CTNNA2: variants seen among roughly 807,000 people sequenced by gnomAD.
CTNNA2 encodes catenin alpha-2.
A neutral mutation model predicts 101.0 loss-of-function variants in CTNNA2; 42 were observed. The observed-to-expected ratio is 0.42, with a 90% CI of 0.32 to 0.54. The LOEUF is 0.54. Ranked by LOEUF, CTNNA2 falls within the 20% of genes least tolerant of loss-of-function variation. The pLI, the probability that CTNNA2 is intolerant of heterozygous loss-of-function variation, is 0.14. For missense variants in CTNNA2, 871 were observed against 1,223.1 expected (o/e 0.71, Z 4.29); for synonymous variants, 450 against 456.4 (o/e 0.99, Z 0.18).
At chr2:80,311,529 C>A (rs1677587801) in intron 7 of CTNNA2, among the ~76,000 whole-genome samples, 1 of 152,214 alleles carries the variant, frequency 6.6e-6, no homozygotes, top group Non-Finnish European at 1.5e-5. Context: ...AGAAAGAGGG[C>A]TGGCTTGGGG....
At chr2:79,590,779 C>T (rs553287875) in intron 1 of CTNNA2, among the ~76,000 whole-genome samples, 1 of 152,136 alleles carries the variant, frequency 6.6e-6, no homozygotes, top group South Asian at 2.1e-4. Flanking sequence ...GTTTGCTTTT[C>T]CACAACTTAT....
At chr2:79,459,372 T>TGCAAA (rs1443113768) in intron 4 of CTNNA2, among the ~76,000 whole-genome samples, 2 of 152,008 alleles carry the variant, frequency 1.3e-5, no homozygotes, top group African/African-American at 4.8e-5. Flanking sequence ...TAGAGGAATA[T>TGCAAA]GCAAGTATTG....
intron 6 of CTNNA2, among the ~76,000 whole-genome samples, chr2:79,907,740 G>C (rs935508216): frequency 3.9e-5 from 6 of 152,188 alleles, no homozygotes; most frequent in Non-Finnish European, 8.8e-5. Flanking sequence ...GCCAAAGCTG[G>C]CACAGAATAG....
chr2:79,766,429 T>C (rs1360566362), intron 3 of CTNNA2, among the ~76,000 whole-genome samples: 1 of 152,232 alleles, frequency 6.6e-6, no homozygotes, highest in Non-Finnish European at 1.5e-5. Context: ...GTTATTTGTT[T>C]CTTTTATTTT....
At chr2:80,471,160 A>G (rs982097455) in intron 9 of CTNNA2, among the ~76,000 whole-genome samples, 1 of 152,224 alleles carries the variant, frequency 6.6e-6, no homozygotes, top group Admixed American at 6.5e-5. Flanking sequence ...CTAAAAGGTC[A>G]TTCTGACTCC....
intron 7 of CTNNA2, among the ~76,000 whole-genome samples, chr2:79,987,866 A>G (rs1395543405): frequency 1.3e-5 from 2 of 152,208 alleles, no homozygotes; most frequent in Non-Finnish European, 2.9e-5. Flanking sequence ...CGTTGTTTTC[A>G]ATGTTAGTTC....
Position 80,581,702 on chromosome 2 carries a change from T to C in CTNNA2, c.1894-4T>C, listed in dbSNP as rs1337839733. On this transcript the variant is annotated splice_polypyrimidine_tract_variant and splice_region_variant and intron_variant, in intron 13 of 18. Coordinates refer to ENST00000402739, the MANE Select transcript of CTNNA2 (RefSeq NM_001282597.3). ...TATGCTGACTTATATCTTTTTGTCT[T>C]TAGACCCCAGAAGAACTAGAGGATG... 6.3e-7 allele frequency: 1 copy of C among 1,582,754 alleles called. No individual in the cohort carries two copies. The highest frequency in any genetic ancestry group is 1.3e-5 in the African/African-American group (1 of 74,088).
chr2:79,779,930 G>T (rs772470167), intron 3 of CTNNA2, among the ~76,000 whole-genome samples: 5 of 152,026 alleles, frequency 3.3e-5, no homozygotes, highest in Non-Finnish European at 5.9e-5. Flanking sequence ...CATTATACCC[G>T]CCTGCCTTTT....
intron 3 of CTNNA2, among the ~76,000 whole-genome samples, chr2:79,846,096 G>A (rs1221143339): frequency 2.0e-5 from 3 of 152,146 alleles, no homozygotes; most frequent in Non-Finnish European, 2.9e-5. Context: ...TTTTCCCCAC[G>A]TTGCATTTTA....
At chr2:80,400,627 T>C (rs1240087268) in intron 8 of CTNNA2, among the ~76,000 whole-genome samples, 2 of 152,230 alleles carry the variant, frequency 1.3e-5, no homozygotes, top group East Asian at 3.9e-4. Context: ...ACCATGGCTC[T>C]ACACAATTAT....
At chr2:79,886,749 TCAAAAA>T (rs1414429992) in intron 6 of CTNNA2, among the ~76,000 whole-genome samples, 1 of 5,720 alleles carries the variant, frequency 1.7e-4, no homozygotes, top group African/African-American at 1.2e-3. Flanking sequence ...AGACTCCATC[TCAAAAA>T]AAAAAAAAAA....
chr2:80,090,049 C>T (rs995272735), intron 7 of CTNNA2, among the ~76,000 whole-genome samples: 1 of 151,740 alleles, frequency 6.6e-6, no homozygotes, highest in Non-Finnish European at 1.5e-5. Flanking sequence ...TCAGGGTGTC[C>T]TCAAGAGAGG....
At chr2:79,797,280 C>T (rs1248366556) in intron 3 of CTNNA2, among the ~76,000 whole-genome samples, 2 of 152,034 alleles carry the variant, frequency 1.3e-5, no homozygotes, top group African/African-American at 4.8e-5. Context: ...CACCAAAGCC[C>T]AAGCATGCAG....
chr2:79,216,277 A>G (rs1207886583), intron 2 of CTNNA2, among the ~76,000 whole-genome samples: 2 of 151,748 alleles, frequency 1.3e-5, no homozygotes, highest in Admixed American at 6.6e-5. Context: ...AAGGGAGAAG[A>G]AGGAGGAATG....
At chr2:79,882,336 A>G (rs1219870840) in intron 6 of CTNNA2, among the ~76,000 whole-genome samples, 1 of 152,194 alleles carries the variant, frequency 6.6e-6, no homozygotes, top group Admixed American at 6.5e-5. Context: ...AACACCACAG[A>G]CACTGTGGCC....
At chr2:79,596,074 C>T (rs1677171837) in intron 1 of CTNNA2, among the ~76,000 whole-genome samples, 1 of 151,770 alleles carries the variant, frequency 6.6e-6, no homozygotes, top group Non-Finnish European at 1.5e-5. Flanking sequence ...AAGCTTTTCA[C>T]AATCATTCAT....
chr2:79,668,455 T>G (rs1682600955), intron 2 of CTNNA2, among the ~76,000 whole-genome samples: 1 of 152,164 alleles, frequency 6.6e-6, no homozygotes, highest in African/African-American at 2.4e-5. Context: ...CCTTTTGCAT[T>G]TATACATCTA....
At chr2:79,494,669 A>T (rs1405308202) in intron 4 of CTNNA2, among the ~76,000 whole-genome samples, 4 of 152,170 alleles carry the variant, frequency 2.6e-5, no homozygotes, top group African/African-American at 7.2e-5. Flanking sequence ...TGGATTATAG[A>T]TATATATGGA....
At chr2:79,210,989 C>G (rs148733405) in intron 2 of CTNNA2, among the ~76,000 whole-genome samples, 2 of 152,136 alleles carry the variant, frequency 1.3e-5, no homozygotes, top group East Asian at 1.9e-4. Flanking sequence ...CCCACAAACA[C>G]TAGAGGCTCT....
Sources: allele counts gnomAD v4.1 joint callset (sites outside exome capture counted in the v4.1 genomes callset), GRCh38; gene constraint gnomAD v4.1.1; transcripts MANE v1.5; gene names NCBI Gene and HGNC (gene_info 2026-07-23, HGNC 2026-07-21).